Variants in VIRMA observed in about 807,000 individuals in gnomAD.
The protein encoded by VIRMA is vir like m6A methyltransferase associated.
A neutral mutation model predicts 182.4 loss-of-function variants in VIRMA; 65 were observed. That is an observed-to-expected ratio of 0.36 (90% CI 0.29 to 0.44). The LOEUF (loss-of-function observed/expected upper bound fraction) is 0.44, where lower values mean the gene tolerates loss of function less well. VIRMA is among the 20% of genes least tolerant of loss of function. VIRMA has a pLI of 1.00. For synonymous variants in VIRMA, 709 were observed against 743.1 expected, an observed-to-expected ratio of 0.95 and a Z score of 0.75; for missense variants, 1,752 against 2,158.1, an observed-to-expected ratio of 0.81 and a Z score of 3.73.
intron 5 of VIRMA, among the ~76,000 whole-genome samples, chr8:94,531,391 T>A (rs1204304918): frequency 6.6e-6 from 1 of 152,184 alleles, no homozygotes; most frequent in African/African-American, 2.4e-5. Flanking sequence ...AGGAAATGAA[T>A]GGAAAAAATA....
chr8:94,552,568 T>G (rs888245546), intron 1 of VIRMA, among the ~76,000 whole-genome samples: 2 of 146,808 alleles, frequency 1.4e-5, no homozygotes, highest in Admixed American at 6.8e-5. Context: ...GTGAAGTTCG[T>G]TTTTTTTTTT....
chr8:94,512,186 A>C (rs1166858945), intron 11 of VIRMA, 97 bp from the exon 12 acceptor site: 4 of 431,432 alleles, frequency 9.3e-6, no homozygotes, highest in Non-Finnish European at 1.6e-5. Flanking sequence ...TATGAGCTTC[A>C]AGTTAAGAAC....
chr8:94,534,184 C>A (rs951372769), intron 5 of VIRMA: 4 of 152,028 alleles, frequency 2.6e-5, no homozygotes, highest in African/African-American at 7.2e-5. Context: ...TGGAAGAAAT[C>A]TACATTAGTT....
rs777348901 is a variant in VIRMA at position 94,526,622 on chromosome 8, T to C, written c.1622A>G (p.Asp541Gly). ...AGCAGTAACAACCCTCACAGTCTGA[T>C]CTAAAAGTATGAGTTCCAGAAGCTT... ...YQKLLELILL[D>G]QTVRVVTAGS... is the part of the protein sequence containing the mutation. Residue 541 changes from aspartate (D) to glycine (G), a missense_variant, in exon 8 of 24, where the codon GAT (aspartate) becomes GGT (glycine). Asp to Gly is a moderately conservative substitution (Grantham distance 94, BLOSUM62 -1). Transcript: ENST00000297591. The C allele has an allele frequency of 2.0e-5, 32 of 1,614,208 alleles. No individual in the cohort carries two copies. The highest frequency in any genetic ancestry group is 1.0e-5 in the Non-Finnish European group (12 of 1,180,044).
rs1333255801 is a variant in VIRMA, at chr8:94,529,351, T to C, written c.608-9A>G. 2 of 1,542,588 alleles carry C rather than the reference T, an allele frequency of 1.3e-6. No homozygotes were observed. The highest frequency in any genetic ancestry group is 2.2e-5 in the East Asian group (1 of 44,470). On this transcript the variant is annotated splice_polypyrimidine_tract_variant and intron_variant, in intron 6 of 23. Coordinates refer to ENST00000297591, the MANE Select transcript of VIRMA (RefSeq NM_015496.5). The stretch of plus-strand genomic sequence containing the variant: ...TTCCTTGTCACCAGACACTGAAAAA[T>C]TGAGATTTAAGGCACAGACTATTTT...
intron 4 of VIRMA, among the ~76,000 whole-genome samples, chr8:94,535,544 G>A (rs900157097): frequency 6.6e-6 from 1 of 152,188 alleles, no homozygotes; most frequent in Non-Finnish European, 1.5e-5. Context: ...CAGCACTTTG[G>A]AAGGCTAAGG....
intron 2 of VIRMA, among the ~76,000 whole-genome samples, chr8:94,542,516 C>T (rs1815593316): frequency 6.6e-6 from 1 of 152,194 alleles, no homozygotes; most frequent in African/African-American, 2.4e-5. Flanking sequence ...TAGTTTTAAG[C>T]TGCTATATTT....
intron 5 of VIRMA, 141 bp downstream of exon 5, chr8:94,534,698 T>A: frequency 6.9e-6 from 5 of 725,344 alleles, no homozygotes; most frequent in African/African-American, 1.9e-5. Context: ...ATCTCCTCCC[T>A]CCCTCTCTCC....
chr8:94,522,139 G>C (rs1814793985), intron 8 of VIRMA, among the ~76,000 whole-genome samples: 3 of 152,176 alleles, frequency 2.0e-5, no homozygotes, highest in African/African-American at 7.2e-5. Context: ...AAAAAAATTT[G>C]CATGCCAATT....
At chr8:94,515,209 G>GC (rs1563466584) in intron 10 of VIRMA, among the ~76,000 whole-genome samples, 1 of 151,308 alleles carries the variant, frequency 6.6e-6, no homozygotes, top group African/African-American at 2.4e-5. Flanking sequence ...CAATTCTCCT[G>GC]CCTCAGCCTC....
intron 7 of VIRMA, among the ~76,000 whole-genome samples, chr8:94,528,231 CA>C (rs11368037): frequency 0.4 from 36,756 of 91,786 alleles, 4,145 homozygotes; most frequent in East Asian, 0.51. Flanking sequence ...GACTTTGTCT[CA>C]AAAAAAAAAA....
At chr8:94,502,474 ATT>A (rs1297841980) in intron 16 of VIRMA, among the ~76,000 whole-genome samples, 4 of 151,642 alleles carry the variant, frequency 2.6e-5, no homozygotes, top group Non-Finnish European at 5.9e-5. Context: ...AAATAAATTA[ATT>A]TTAAAATATG....
intron 2 of VIRMA, among the ~76,000 whole-genome samples, chr8:94,542,221 A>T (rs547123712): frequency 2.1e-4 from 32 of 152,306 alleles, no homozygotes; most frequent in African/African-American, 7.2e-4. Context: ...TCACCTTCTG[A>T]TATTAAGTTA....
chr8:94,550,744 A>G (rs1172894223), intron 1 of VIRMA, among the ~76,000 whole-genome samples: 1 of 151,984 alleles, frequency 6.6e-6, no homozygotes, highest in Non-Finnish European at 1.5e-5. Context: ...TAAAAGACAG[A>G]GTCTTGCTCT....
rs759536039 is a variant in VIRMA at position 94,519,391 on chromosome 8, C to T, written c.2107G>A (p.Ala703Thr). The T allele has an allele frequency of 6.4e-6, 10 of 1,560,886 alleles. No individual in the cohort carries two copies. The East Asian group carries it at 1.8e-4, about 28-fold the overall frequency. The change falls in exon 9 of 24, where the codon GCC (alanine) becomes ACC (threonine). Residue 703 changes from alanine to threonine, a missense_variant. Around this residue, in one of 11 missense-constraint regions of VIRMA, gnomAD observed 401 missense variants for 455.1 expected, o/e 0.88. Coordinates refer to ENST00000297591, the MANE Select transcript of VIRMA (RefSeq NM_015496.5). ...VTSAHPGVLQ[A>T]TKDVLKFLAQ... The stretch of plus-strand genomic sequence containing the variant: ...AGAAACTTCAAAACATCTTTTGTGG[C>T]TTGCAGCACACCAGGGTGAGCACTT...
chr8:94,500,904 G>A (rs956439842), intron 16 of VIRMA, among the ~76,000 whole-genome samples: 3 of 151,926 alleles, frequency 2.0e-5, no homozygotes, highest in African/African-American at 7.2e-5. Context: ...AAAACACATA[G>A]AACTGTACAC....
intron 12 of VIRMA, 72 bp downstream of exon 12, chr8:94,511,920 TTAAC>T (rs1814393702): frequency 3.7e-6 from 3 of 812,620 alleles, no homozygotes; most frequent in South Asian, 3.5e-5. Context: ...TGTTTAATAA[TTAAC>T]TAAATATTTA....
Position 94,512,018 on chromosome 8 carries a change from T to G in VIRMA, c.2823A>C (p.Ala941=). 6.5e-7 allele frequency: 1 copy of G among 1,531,078 alleles called. No homozygotes were observed. The highest frequency in any genetic ancestry group is 1.4e-5 in the African/African-American group (1 of 71,282). The allele number at this position is 1,531,078 out of a possible 1,614,324, so 94.8% of individuals were successfully genotyped here. ...TACCTTCAACAGGAGGTGGTGGGCA[T>G]GCAACATTACAGAGAACACGTAAGG... ...TTALRVLCNV[A]CPPPPVEGQQ... The change falls in exon 12 of 24, where the codon GCA becomes GCC. Residue 941 remains alanine, a synonymous_variant. Transcript: ENST00000297591.
rs757658819 is a variant in VIRMA at position 94,496,311 on chromosome 8, GT to G, written c.4383+16del. On this transcript the variant is annotated intron_variant, in intron 18 of 23. Coordinates refer to ENST00000297591, the MANE Select transcript of VIRMA (RefSeq NM_015496.5). ...GGAAAATAGGCCTTAAGAACGCTCT[GT>G]TTTTTTCTTTTTTACCAAAACAAGC... 1.9e-6 allele frequency: 3 copies of G among 1,603,026 alleles called. No homozygotes were observed. The highest frequency in any genetic ancestry group is 2.3e-5 in the South Asian group (2 of 88,304).
Sources: allele counts gnomAD v4.1 joint callset (sites outside exome capture counted in the v4.1 genomes callset), GRCh38; gene constraint gnomAD v4.1.1; regional missense constraint gnomAD v4.1.1; transcripts MANE v1.5; gene names NCBI Gene and HGNC (gene_info 2026-07-23, HGNC 2026-07-21).